NINL: variants seen among roughly 807,000 people sequenced by gnomAD.
NINL encodes ninein-like protein.
In NINL, 153 loss-of-function variants were observed where a neutral mutation model predicts 160.3. That is an observed-to-expected ratio of 0.95 (90% CI 0.84 to 1.09). The LOEUF is 1.09. Ranked by LOEUF, NINL falls within the 50% of genes least tolerant of loss-of-function variation. The pLI, the probability that NINL is intolerant of heterozygous loss-of-function variation, is 0.00. For synonymous variants in NINL, 800 were observed against 734.8 expected, an observed-to-expected ratio of 1.09 and a Z score of -1.43; for missense variants, 1,829 against 1,764.0, an observed-to-expected ratio of 1.04 and a Z score of -0.66.
At chr20:25,546,623 G>A (rs1336697797) in intron 1 of NINL, among the ~76,000 whole-genome samples, 3 of 152,036 alleles carry the variant, frequency 2.0e-5, no homozygotes, top group African/African-American at 7.2e-5. Context: ...CCTTAATAAA[G>A]AGCTCCTAAA....
chr20:25,476,715 G>A lies in NINL; in HGVS notation c.2576C>T (p.Ala859Val), dbSNP rs1400435934. The A allele has an allele frequency of 1.0e-5, 16 of 1,600,596 alleles. No individual in the cohort carries two copies. The highest frequency in any genetic ancestry group is 1.4e-5 in the Non-Finnish European group (16 of 1,177,558). Residue 859 changes from alanine (A) to valine (V), a missense_variant, in exon 17 of 24, where the codon GCC (alanine) becomes GTC (valine). By Grantham distance (64) the Ala-to-Val change is moderately conservative (BLOSUM62 0). Transcript: ENST00000278886. The part of the protein sequence containing the change: ...LRPGCGERPL[A>V]WLAPGDGRES... ...TCTGCCATCACCTGGGGCCAGCCAG[G>A]CCAGTGGCCGCTCCCCACAGCCCGG...
At chr20:25,486,989 C>T (rs1228202656) in intron 13 of NINL, among the ~76,000 whole-genome samples, 1 of 152,166 alleles carries the variant, frequency 6.6e-6, no homozygotes, top group Non-Finnish European at 1.5e-5. Flanking sequence ...TTAACAATGA[C>T]CATCACAGTA....
chr20:25,462,316 T>C (rs58536620), intron 20 of NINL, 67 bp downstream of exon 20: 168,588 of 1,504,516 alleles, frequency 0.11, 14,552 homozygotes, highest in African/African-American at 0.4. Flanking sequence ...CCTGACCTAT[T>C]TGCAGCCGCC....
At position 25,476,692 on chromosome 20, in the gene NINL, T is replaced by A. The variant is rs759133963; in HGVS notation, c.2599A>T (p.Arg867Ter). Residue 867 changes from arginine to a stop codon, truncating the protein, a stop_gained, in exon 17 of 24, where the codon AGA (arginine) becomes TGA (stop). Transcript: ENST00000278886. LOFTEE classifies it high-confidence loss of function. ...PLAWLAPGDG[R>*]ESEEAAGAGP... ...GCTCCTGCCGCCTCCTCAGACTCTC[T>A]GCCATCACCTGGGGCCAGCCAGGCC... The A allele has an allele frequency of 7.5e-6, 12 of 1,594,246 alleles. No individual in the cohort carries two copies. Among genetic ancestry groups the A allele is most frequent in the Non-Finnish European group, 1.0e-5 (12 of 1,175,166 alleles).
In NINL at chr20:25,477,013, C is replaced by T. The variant is rs754917027; in HGVS notation, c.2278G>A (p.Glu760Lys). 1.2e-6 allele frequency: 2 copies of T among 1,601,258 alleles called. No homozygotes were observed. The highest frequency in any genetic ancestry group is 8.5e-7 in the Non-Finnish European group (1 of 1,179,734). ...GGTCCCTGCGGCGGCTCCTCCAGCT[C>T]CAAGGTCAGGTCTCTGCGAGCGGGC... ...ALPARRDLTL[E>K]LEEPPQGPLP... The change falls in exon 17 of 24, where the codon GAG becomes AAG. Residue 760 changes from glutamate (E) to lysine (K), a missense_variant. Coordinates refer to ENST00000278886, the MANE Select transcript of NINL (RefSeq NM_025176.6).
intron 1 of NINL, among the ~76,000 whole-genome samples, chr20:25,554,261 T>G (rs2064838490): frequency 6.6e-6 from 1 of 152,010 alleles, no homozygotes; most frequent in African/African-American, 2.4e-5. Context: ...AGGGGACCCA[T>G]GGGAACCAAG....
Position 25,505,062 on chromosome 20 carries a change from C to T in NINL, c.534G>A (p.Trp178Ter). Residue 178 changes from tryptophan (W) to a stop codon, truncating the protein, a stop_gained, in exon 6 of 24, where the codon TGG (tryptophan) becomes TGA (stop). Transcript: ENST00000278886. LOFTEE classifies it high-confidence loss of function. ...LFEAQGQLQT[W>*]DSEDFGSPQK... ...GGGGGCTCCCAAAGTCCTCAGAATC[C>T]CAGGTCTGCAGCTGTCCTGAAGCAA... 1 of 1,597,584 alleles carries T rather than the reference C, an allele frequency of 6.3e-7. No homozygotes were observed. Among genetic ancestry groups the T allele is most frequent in the Non-Finnish European group, 8.5e-7 (1 of 1,170,920 alleles).
At chr20:25,562,771 T>TAA (rs79712300) in intron 1 of NINL, among the ~76,000 whole-genome samples, 1 of 129,112 alleles carries the variant, frequency 7.7e-6, no homozygotes, top group Non-Finnish European at 1.7e-5. Flanking sequence ...GAATGATCAA[T>TAA]AAAAAAAAAA....
At chr20:25,543,283 C>T (rs901668103) in intron 1 of NINL, among the ~76,000 whole-genome samples, 7 of 152,018 alleles carry the variant, frequency 4.6e-5, no homozygotes, top group African/African-American at 1.7e-4. Flanking sequence ...GGTGTGGTGA[C>T]TCATGCCTGT....
At chr20:25,572,161 G>A (rs564482789) in intron 1 of NINL, among the ~76,000 whole-genome samples, 1 of 151,886 alleles carries the variant, frequency 6.6e-6, no homozygotes, top group Non-Finnish European at 1.5e-5. Flanking sequence ...GTTCCTTTAA[G>A]TTGCCTAAGT....
chr20:25,475,952 C>G (rs2063221084), intron 17 of NINL, 91 bp downstream of exon 17: 1 of 1,348,090 alleles, frequency 7.4e-7, no homozygotes, highest in Non-Finnish European at 1.0e-6. Context: ...GCAGGAAGGG[C>G]CACATAGCAC....
Position 25,510,760 on chromosome 20 carries a change from G to A in NINL, c.451-20C>T. 1 of 1,600,622 alleles carries A rather than the reference G, an allele frequency of 6.2e-7. No homozygotes were observed. The stretch of plus-strand genomic sequence containing the variant: ...GGGACTCTGTAGAAAGATGCAGAGA[G>A]AAGGCTGTGAGTTCCAGGGGGTGCT... On this transcript the variant is annotated intron_variant, in intron 4 of 23. Transcript: ENST00000278886.
chr20:25,496,530 T>G (rs2146742096), intron 10 of NINL, 133 bp downstream of exon 10: 1 of 1,070,658 alleles, frequency 9.3e-7, no homozygotes, highest in Non-Finnish European at 1.3e-6. Flanking sequence ...TCCCCCTGAC[T>G]CAGGTGAAAT....
chr20:25,519,989 C>CAAAAA (rs59160061), intron 2 of NINL, among the ~76,000 whole-genome samples: 239 of 12,128 alleles, frequency 0.02, 68 homozygotes, highest in Middle Eastern at 0.083. Flanking sequence ...GACCCCGTCT[C>CAAAAA]AAAAAAAAAA....
At chr20:25,576,342 G>C (rs1005787954) in intron 1 of NINL, among the ~76,000 whole-genome samples, 6 of 152,342 alleles carry the variant, frequency 3.9e-5, no homozygotes, top group African/African-American at 1.4e-4. Context: ...ACATCTCATG[G>C]GGGGCACAGA....
intron 1 of NINL, among the ~76,000 whole-genome samples, chr20:25,558,412 T>C (rs1705281026): frequency 6.6e-6 from 1 of 152,190 alleles, no homozygotes; most frequent in Non-Finnish European, 1.5e-5. Flanking sequence ...TTCGCCATGT[T>C]GGCCAGGCCA....
At position 25,513,006 on chromosome 20, in the gene NINL, G is replaced by C. The variant is rs541234407; in HGVS notation, c.278C>G (p.Ala93Gly). ...CTTTGGAGGGATGGCACTGGAGGCA[G>C]CTGGAAAGGAAACAGGAAATTTGGT... ...SDEDSSSLES[A>G]ASSAIPPKYV... is the part of the protein sequence containing the mutation. The change falls in exon 4 of 24, where the codon GCT (alanine) becomes GGT (glycine). Residue 93 changes from alanine (A) to glycine (G), a missense_variant and splice_region_variant. Transcript: ENST00000278886. The C allele has an allele frequency of 6.3e-7, 1 of 1,593,866 alleles. No individual in the cohort carries two copies. The highest frequency in any genetic ancestry group is 1.1e-5 in the South Asian group (1 of 89,710).
chr20:25,480,282 C>A lies in NINL; in HGVS notation c.1811-15G>T, dbSNP rs2146564592. On this transcript the variant is annotated splice_polypyrimidine_tract_variant and intron_variant, in intron 14 of 23. Coordinates refer to ENST00000278886, the MANE Select transcript of NINL (RefSeq NM_025176.6). ...GAATGAAATGCCTGCAAACAAGAGG[C>A]CACTTCCGTTTGTCACACTGAGGAT... 1 of 1,607,042 alleles carries A rather than the reference C, an allele frequency of 6.2e-7. No homozygotes were observed. The highest frequency in any genetic ancestry group is 8.5e-7 in the Non-Finnish European group (1 of 1,173,856).
chr20:25,524,626 C>A (rs2064322685), intron 2 of NINL, among the ~76,000 whole-genome samples: 1 of 152,204 alleles, frequency 6.6e-6, no homozygotes, highest in Non-Finnish European at 1.5e-5. Flanking sequence ...GGGTTCCAGT[C>A]AGAAATCTCA....
Sources: gnomAD v4.1 joint callset for allele counts (sites outside exome capture counted in the v4.1 genomes callset) on GRCh38, gnomAD v4.1.1 for gene constraint, MANE v1.5 for transcripts, NCBI Gene and HGNC (gene_info 2026-07-23, HGNC 2026-07-21) for gene names.